Variants in PSG3 observed in about 807,000 individuals in gnomAD.
PSG3 encodes the protein pregnancy specific beta-1-glycoprotein 3, also known as pregnancy-specific beta-1-glycoprotein 3.
Under a neutral mutation model 47.5 loss-of-function variants are expected in PSG3, and 61 were observed. The ratio of observed to expected loss-of-function variants is 1.28; its 90% CI spans 1.05 to 1.59. PSG3 has a LOEUF of 1.59. Among genes scored for constraint, PSG3 ranks in the 40% most tolerant of loss-of-function variants. The probability of loss-of-function intolerance (pLI) is 0.00; values close to 1 mark genes in which losing one functional copy is unlikely to be tolerated. For synonymous variants in PSG3, 263 were observed against 198.4 expected, an observed-to-expected ratio of 1.33 and a Z score of -2.74; for missense variants, 756 against 524.0, an observed-to-expected ratio of 1.44 and a Z score of -4.32.
chr19:42,730,933 G>A (rs1437932409), intron 3 of PSG3, among the ~76,000 whole-genome samples: 1 of 152,236 alleles, frequency 6.6e-6, no homozygotes, highest in East Asian at 1.9e-4. Flanking sequence ...GGTCCTCATG[G>A]ACCATATGTG....
intron 2 of PSG3, chr19:42,733,987 A>T (rs578012778): frequency 1.2e-4 from 18 of 152,328 alleles, no homozygotes; most frequent in Admixed American, 1.0e-3. Flanking sequence ...GAAGCCTTGC[A>T]GATACTTTCT....
intron 2 of PSG3, chr19:42,733,751 A>C (rs1969515536): frequency 6.5e-6 from 1 of 153,328 alleles, no homozygotes; most frequent in Non-Finnish European, 1.5e-5. Context: ...GGGGACAGGC[A>C]AGAGCTGATA....
intron 2 of PSG3, chr19:42,734,286 C>T (rs1311923776): frequency 6.6e-6 from 1 of 152,174 alleles, no homozygotes; most frequent in Non-Finnish European, 1.5e-5. Context: ...GGAATATTTA[C>T]AGTACATGTA....
intron 2 of PSG3, chr19:42,733,480 T>A: frequency 4.8e-6 from 1 of 206,422 alleles, no homozygotes; most frequent in South Asian, 1.0e-4. Flanking sequence ...CAGCTTCCCT[T>A]GCCAAGGACA....
At chr19:42,727,708 G>A (rs2122167608) in intron 5 of PSG3, among the ~76,000 whole-genome samples, 1 of 152,326 alleles carries the variant, frequency 6.6e-6, no homozygotes, top group East Asian at 1.9e-4. Flanking sequence ...GTAAGAAGTG[G>A]TGTGGCTCTC....
intron 6 of PSG3, among the ~76,000 whole-genome samples, chr19:42,723,419 A>G (rs2122156630): frequency 6.6e-6 from 1 of 152,344 alleles, no homozygotes; most frequent in East Asian, 1.9e-4. Flanking sequence ...TATACTAGGA[A>G]GTAGCGGTAA....
In PSG3 at chr19:42,723,925, A is replaced by G. The variant is rs569884772; in HGVS notation, c.*40+17T>C. On this transcript the variant is annotated intron_variant, in intron 6 of 6. Coordinates refer to ENST00000327495, the MANE Select transcript of PSG3 (RefSeq NM_021016.4). The stretch of plus-strand genomic sequence containing the variant: ...TTAGCCCTGCAGGAACCAGGATAAG[A>G]GGAAAGGTCATCATACCTGCCAGTC... 1.4e-4 allele frequency: 209 copies of G among 1,541,750 alleles called. 1 individual carries two copies. The highest frequency in any genetic ancestry group is 8.4e-4 in the Middle Eastern group (5 of 5,926).
chr19:42,724,495 C>T (rs963018173), intron 5 of PSG3, among the ~76,000 whole-genome samples: 2 of 152,196 alleles, frequency 1.3e-5, no homozygotes, highest in African/African-American at 4.8e-5. Flanking sequence ...AGGCTCCCAG[C>T]AAGGGCGTGA....
At chr19:42,726,022 C>G (rs532011449) in intron 5 of PSG3, among the ~76,000 whole-genome samples, 1 of 151,494 alleles carries the variant, frequency 6.6e-6, no homozygotes, top group South Asian at 2.1e-4. Flanking sequence ...GTAGACAAAC[C>G]CCTAGAAACA....
At position 42,732,968 on chromosome 19, in the gene PSG3, G is replaced by A. The variant is rs568127706; in HGVS notation, c.525C>T (p.Asp175=). Residue 175 remains aspartate (D), a synonymous_variant, in exon 3 of 7, where the codon GAC becomes GAT. Transcript: ENST00000327495. ...VSLTCDPETP[D]ASYLWWMNGQ... ...CATTCATCCACCACAGGTAGCTTGC[G>A]TCCGGAGTCTCAGGATCACAGGTTA... 32 of 1,614,140 alleles carry A rather than the reference G, an allele frequency of 2.0e-5. No individual in the cohort carries two copies. The highest frequency in any genetic ancestry group is 5.0e-5 in the Admixed American group (3 of 60,012).
chr19:42,727,243 C>G (rs1332714686), intron 5 of PSG3, among the ~76,000 whole-genome samples: 1 of 152,042 alleles, frequency 6.6e-6, no homozygotes, highest in Non-Finnish European at 1.5e-5. Flanking sequence ...GCATAGGCAA[C>G]AAATAAAATG....
intron 5 of PSG3, among the ~76,000 whole-genome samples, chr19:42,728,562 G>A (rs931270869): frequency 5.3e-5 from 8 of 152,184 alleles, no homozygotes; most frequent in African/African-American, 1.9e-4. Context: ...TTCAGGACAG[G>A]CCACCAGGGC....
rs765524128 is a variant in PSG3 at position 42,729,133 on chromosome 19, G to T, written c.1233C>A (p.Val411=). 8.1e-6 allele frequency: 13 copies of T among 1,613,888 alleles called. No individual in the cohort carries two copies. Among genetic ancestry groups the T allele is most frequent in the South Asian group, 6.6e-5 (6 of 91,086 alleles). ...TGMESSKSMT[V]KVSAPSGTGH... is the part of the protein sequence containing the mutation. ...CTGGGATCCACTTACCAGAGACTTT[G>T]ACTGTCATGGATTTGGAGCTTTCCA... Residue 411 remains valine, a synonymous_variant, in exon 5 of 7, where the codon GTC becomes GTA. Transcript: ENST00000327495.
At chr19:42,735,641 A>G (rs1240169416) in intron 2 of PSG3, among the ~76,000 whole-genome samples, 5 of 152,354 alleles carry the variant, frequency 3.3e-5, no homozygotes, top group Admixed American at 3.3e-4. Flanking sequence ...GATTATAGGC[A>G]TGAGCCACTG....
At chr19:42,740,282 T>C (rs768824442) in intron 1 of PSG3, 39 bp downstream of exon 1, 4 of 1,613,700 alleles carry the variant, frequency 2.5e-6, no homozygotes, top group Admixed American at 3.3e-5. Context: ...GTCACTCTGC[T>C]TCCTCCTCCT....
At position 42,724,026 on chromosome 19, in the gene PSG3, C is replaced by T; in HGVS notation, c.1244-1G>A. 6.2e-7 allele frequency: 1 copy of T among 1,610,354 alleles called. No individual in the cohort carries two copies. Among genetic ancestry groups the T allele is most frequent in the African/African-American group, 1.3e-5 (1 of 74,868 alleles). On this transcript the variant is annotated splice_acceptor_variant, in intron 5 of 6. Transcript: ENST00000327495. LOFTEE classifies it high-confidence loss of function. Reference sequence around the variant, plus strand: ...GGAAGATGTCCTGTTCCTGAAGGAGCTGTCATGGAAAAAAAAGAAAAGAAG... The same window carrying T: ...GGAAGATGTCCTGTTCCTGAAGGAGTTGTCATGGAAAAAAAAGAAAAGAAG...
At chr19:42,727,595 C>A (rs1233389602) in intron 5 of PSG3, among the ~76,000 whole-genome samples, 1 of 152,100 alleles carries the variant, frequency 6.6e-6, no homozygotes, top group Non-Finnish European at 1.5e-5. Flanking sequence ...TTTTGATAAA[C>A]AACAACAATG....
rs545778067 is a variant in PSG3 at position 42,729,354 on chromosome 19, A to G, written c.1012T>C (p.Tyr338His). The G allele has an allele frequency of 6.2e-7, 1 of 1,613,986 alleles. No homozygotes were observed. The highest frequency in any genetic ancestry group is 1.1e-5 in the South Asian group (1 of 91,050). ...GAATGGTAATAGGTGAATGAAGGGT[A>G]AATTCTGGGGAGGTCTGGACCATCT... is the stretch of plus-strand genomic sequence containing the variant. ...VLYGPDLPRI[Y>H]PSFTYYHSGE... Residue 338 changes from tyrosine (Y) to histidine (H), a missense_variant, in exon 5 of 7, where the codon TAC becomes CAC. Transcript: ENST00000327495.
At chr19:42,728,203 G>A (rs1409893178) in intron 5 of PSG3, among the ~76,000 whole-genome samples, 2 of 152,122 alleles carry the variant, frequency 1.3e-5, no homozygotes, top group Non-Finnish European at 2.9e-5. Flanking sequence ...TAGTGTGATG[G>A]TTACACAACA....
Sources: gnomAD v4.1 joint callset for allele counts (sites outside exome capture counted in the v4.1 genomes callset) on GRCh38, gnomAD v4.1.1 for gene constraint, MANE v1.5 for transcripts, NCBI Gene and HGNC (gene_info 2026-07-23, HGNC 2026-07-21) for gene names.